Variants in RANBP17 observed in about 807,000 individuals in gnomAD.
RANBP17 encodes the protein RAN binding protein 17.
RANBP17 carries 158 observed loss-of-function variants against 141.2 expected under a neutral mutation model. The observed-to-expected ratio is 1.12, with a 90% CI of 0.98 to 1.28. The LOEUF is 1.28. RANBP17 is among the 50% of genes most tolerant of loss of function. The probability of loss-of-function intolerance (pLI) is 0.00; values close to 1 mark genes in which losing one functional copy is unlikely to be tolerated. For missense variants in RANBP17, 1,438 were observed against 1,290.7 expected (o/e 1.11, Z -1.75); for synonymous variants, 430 against 450.0 (o/e 0.96, Z 0.56).
chr5:170,970,224 A>G (rs1776888211), intron 14 of RANBP17, among the ~76,000 whole-genome samples: 1 of 151,860 alleles, frequency 6.6e-6, no homozygotes. Flanking sequence ...AGTGGAACAT[A>G]TTTCTTGGTG....
At chr5:170,982,979 C>A (rs1365537220) in intron 14 of RANBP17, 2 of 364,462 alleles carry the variant, frequency 5.5e-6, no homozygotes, top group Non-Finnish European at 1.0e-5. Context: ...AATTGTATAT[C>A]CAGTAAAACT....
chr5:171,223,047 CT>C (rs1038154341), intron 22 of RANBP17, among the ~76,000 whole-genome samples: 1 of 152,072 alleles, frequency 6.6e-6, no homozygotes, highest in South Asian at 2.1e-4. Context: ...AGCCTTGTCA[CT>C]TTTTTTAAAG....
chr5:171,233,674 G>A (rs1467705184), intron 22 of RANBP17, among the ~76,000 whole-genome samples: 2 of 152,174 alleles, frequency 1.3e-5, no homozygotes, highest in Non-Finnish European at 1.5e-5. Context: ...TCCCAACTAC[G>A]TGACATTCTG....
chr5:171,161,422 A>G (rs920512572), intron 14 of RANBP17: 5 of 200,902 alleles, frequency 2.5e-5, no homozygotes, highest in African/African-American at 1.1e-4. Context: ...ACGCCTGAGG[A>G]GTGATGTACC....
chr5:170,957,107 A>ACACACACACACACACACG (rs542213195), intron 13 of RANBP17, among the ~76,000 whole-genome samples: 5 of 150,532 alleles, frequency 3.3e-5, no homozygotes, highest in East Asian at 2.0e-4. Context: ...ACACACACAC[A>ACACACACACACACACACG]CGCGCACACT....
intron 25 of RANBP17, among the ~76,000 whole-genome samples, chr5:171,277,295 C>T (rs948145017): frequency 1.3e-5 from 2 of 151,778 alleles, no homozygotes; most frequent in Non-Finnish European, 2.9e-5. Flanking sequence ...CTGCATCACA[C>T]GAAGCTAGCC....
rs1764839785 is a variant in RANBP17, at chr5:171,240,947, T to A, written c.2442T>A (p.Leu814=). 6.2e-7 allele frequency: 1 copy of A among 1,613,226 alleles called. No individual in the cohort carries two copies. Among genetic ancestry groups the A allele is most frequent in the Non-Finnish European group, 8.5e-7 (1 of 1,179,370 alleles). Reference sequence around the variant, plus strand: ...AAACAGGTAATCAGATCCTGTCCCTTGGGAGCCTCTCAAAAGATCAGATTT... The same window carrying A: ...AAACAGGTAATCAGATCCTGTCCCTAGGGAGCCTCTCAAAAGATCAGATTT... The part of the protein sequence containing the change: ...VCTYGNQILS[L]GSLSKDQIYP... Residue 814 remains leucine, a synonymous_variant, in exon 23 of 28, where the codon CTT becomes CTA. Coordinates refer to ENST00000523189, the MANE Select transcript of RANBP17 (RefSeq NM_022897.5).
chr5:171,116,740 T>C (rs1755658852), intron 14 of RANBP17, among the ~76,000 whole-genome samples: 1 of 152,224 alleles, frequency 6.6e-6, no homozygotes, highest in Non-Finnish European at 1.5e-5. Context: ...CTACTATAGT[T>C]AGAATTTATT....
At chr5:171,229,316 A>G (rs1764064950) in intron 22 of RANBP17, among the ~76,000 whole-genome samples, 6 of 152,356 alleles carry the variant, frequency 3.9e-5, no homozygotes, top group Admixed American at 3.3e-4. Flanking sequence ...GGCCTTCAGG[A>G]TGATAGCTGA....
chr5:171,265,582 TGAAACCA>T, intron 24 of RANBP17, 92 bp from the exon 25 acceptor site: 1 of 1,162,484 alleles, frequency 8.6e-7, no homozygotes, highest in Non-Finnish European at 1.2e-6. Context: ...AAAAGCACTT[TGAAACCA>T]GAAAGTAATT....
chr5:171,213,691 A>G lies in RANBP17; in HGVS notation c.2292A>G (p.Thr764=). 4.3e-6 allele frequency: 7 copies of G among 1,613,862 alleles called. No individual in the cohort carries two copies. The highest frequency in any genetic ancestry group is 5.1e-6 in the Non-Finnish European group (6 of 1,179,782). Residue 764 remains threonine, a synonymous_variant, in exon 21 of 28, where the codon ACA becomes ACG. Coordinates refer to ENST00000523189, the MANE Select transcript of RANBP17 (RefSeq NM_022897.5). Reference sequence around the variant, plus strand: ...TTGAACGGTGGTATGGAGAGCCAACATGTACAACTCCCATCTTGAAACTTA... The same window carrying G: ...TTGAACGGTGGTATGGAGAGCCAACGTGTACAACTCCCATCTTGAAACTTA... ...NAVERWYGEP[T]CTTPILKLMA... is the part of the protein sequence containing the mutation.
At chr5:170,989,217 A>G (rs1778346938) in intron 14 of RANBP17, among the ~76,000 whole-genome samples, 1 of 151,790 alleles carries the variant, frequency 6.6e-6, no homozygotes, top group African/African-American at 2.4e-5. Context: ...CTTGAAGGGA[A>G]TCAGGATGAG....
intron 14 of RANBP17, among the ~76,000 whole-genome samples, chr5:171,033,164 C>T (rs1415403212): frequency 7.1e-6 from 1 of 139,882 alleles, no homozygotes; most frequent in Non-Finnish European, 1.5e-5. Flanking sequence ...AGACGTTTTA[C>T]TGCTACTAAG....
chr5:171,298,812 G>T lies in RANBP17; in HGVS notation c.3221G>T (p.Arg1074Leu), dbSNP rs145015947. 6.8e-6 allele frequency: 11 copies of T among 1,614,034 alleles called. No individual in the cohort carries two copies. Among genetic ancestry groups the T allele is most frequent in the Admixed American group, 1.7e-5 (1 of 60,000 alleles). The change falls in exon 28 of 28, where the codon CGC becomes CTC. Residue 1074 changes from arginine to leucine, a missense_variant. Coordinates refer to ENST00000523189, the MANE Select transcript of RANBP17 (RefSeq NM_022897.5). ...AGAAGAGATGTGGCAGAGGCGTTGC[G>T]CAGTGATGGCAACACTGAACCATGC... ...VFRRDVAEAL[R>L]SDGNTEPCSL...
At chr5:171,254,736 T>G (rs980363364) in intron 24 of RANBP17, among the ~76,000 whole-genome samples, 1 of 152,120 alleles carries the variant, frequency 6.6e-6, no homozygotes, top group African/African-American at 2.4e-5. Flanking sequence ...TTGCAGAAAA[T>G]TATTGAAAGT....
At chr5:171,032,871 T>C (rs1438872283) in intron 14 of RANBP17, among the ~76,000 whole-genome samples, 1 of 152,180 alleles carries the variant, frequency 6.6e-6, no homozygotes, top group Admixed American at 6.6e-5. Flanking sequence ...TGAGGGATTA[T>C]TGTACCATAA....
intron 3 of RANBP17, among the ~76,000 whole-genome samples, chr5:170,885,077 A>T (rs1187868341): frequency 6.6e-6 from 1 of 152,140 alleles, no homozygotes; most frequent in Admixed American, 6.6e-5. Context: ...ACGTTAGTAA[A>T]TCCTTAAAGG....
intron 14 of RANBP17, among the ~76,000 whole-genome samples, chr5:171,080,730 C>T (rs1045125257): frequency 4.6e-5 from 7 of 152,176 alleles, no homozygotes; most frequent in Non-Finnish European, 8.8e-5. Context: ...ATCTTCTCTA[C>T]GTGTCAGCAG....
chr5:171,052,532 T>C (rs1783022763), intron 14 of RANBP17, among the ~76,000 whole-genome samples: 1 of 152,184 alleles, frequency 6.6e-6, no homozygotes, highest in African/African-American at 2.4e-5. Flanking sequence ...CATTTATCCA[T>C]AGATTATAGG....
Sources: gnomAD v4.1 joint callset for allele counts (sites outside exome capture counted in the v4.1 genomes callset) on GRCh38, gnomAD v4.1.1 for gene constraint, MANE v1.5 for transcripts, NCBI Gene and HGNC (gene_info 2026-07-23, HGNC 2026-07-21) for gene names.